The following SLC25A20 variants were observed in gnomAD, a reference collection of about 807,000 sequenced individuals.
SLC25A20 encodes the protein mitochondrial carnitine/acylcarnitine carrier protein.
SLC25A20 carries 29 observed loss-of-function variants against 39.7 expected under a neutral mutation model. That is an observed-to-expected ratio of 0.73 (90% confidence interval 0.54 to 1.00). The LOEUF is 1.00. Ranked by LOEUF, SLC25A20 falls within the 50% of genes least tolerant of loss-of-function variation. The pLI, the probability that SLC25A20 is intolerant of heterozygous loss-of-function variation, is 0.00. For missense variants in SLC25A20, 333 were observed against 379.9 expected, an observed-to-expected ratio of 0.88 and a Z score of 1.03; for synonymous variants, 103 against 142.2, an observed-to-expected ratio of 0.72 and a Z score of 1.96.
chr3:48,879,942 A>G (rs957695232), intron 3 of SLC25A20, among the ~76,000 whole-genome samples: 1 of 152,078 alleles, frequency 6.6e-6, no homozygotes, highest in Non-Finnish European at 1.5e-5. Flanking sequence ...GCCTGAGAAC[A>G]CTCTAAGCCA....
At chr3:48,873,463 G>T (rs1053820229) in intron 4 of SLC25A20, among the ~76,000 whole-genome samples, 3 of 151,344 alleles carry the variant, frequency 2.0e-5, no homozygotes, top group African/African-American at 7.3e-5. Flanking sequence ...ACAAAAATGA[G>T]CTGGGCGTGG....
chr3:48,898,596 C>G (rs2083926855), intron 1 of SLC25A20, 94 bp downstream of exon 1: 2 of 1,153,346 alleles, frequency 1.7e-6, no homozygotes, highest in South Asian at 2.6e-5. Context: ...ACACATGCCC[C>G]TCTTCTGCCC....
intron 2 of SLC25A20, among the ~76,000 whole-genome samples, chr3:48,888,426 C>G (rs970338019): frequency 1.4e-5 from 2 of 143,006 alleles, no homozygotes; most frequent in African/African-American, 2.6e-5. Flanking sequence ...AAAAATTAGC[C>G]GGGCATGGTG....
intron 4 of SLC25A20, among the ~76,000 whole-genome samples, chr3:48,866,396 G>C (rs759672082): frequency 3.3e-5 from 5 of 150,318 alleles, no homozygotes; most frequent in Non-Finnish European, 7.4e-5. Flanking sequence ...TCTACTAAAA[G>C]TACAAAAATT....
At chr3:48,865,950 G>A (rs2083664711) in intron 4 of SLC25A20, among the ~76,000 whole-genome samples, 2 of 150,250 alleles carry the variant, frequency 1.3e-5, no homozygotes, top group South Asian at 4.2e-4. Context: ...CCAACATGGT[G>A]AAACCCCGTC....
At position 48,862,650 on chromosome 3, in the gene SLC25A20, A is replaced by C. The variant is rs372779885; in HGVS notation, c.427T>G (p.Ser143Ala). The C allele has an allele frequency of 1.2e-6, 2 of 1,611,360 alleles. No homozygotes were observed. Among genetic ancestry groups the C allele is most frequent in the African/African-American group, 2.7e-5 (2 of 74,880 alleles). ...CCAGTGTACTTGCTTTCTCCTGAAG[A>C]AGCCTGAATCTGGGAGGGAGGAGAG... Reference protein sequence around the residue: ...RIKCLLQIQASSGESKYTGTL... With the variant: ...RIKCLLQIQAASGESKYTGTL... The change falls in exon 5 of 9, where the codon TCT becomes GCT. Residue 143 changes from serine (S) to alanine (A), a missense_variant. Ser to Ala is a moderately conservative substitution (Grantham distance 99). Coordinates refer to ENST00000319017, the MANE Select transcript of SLC25A20 (RefSeq NM_000387.6).
At chr3:48,875,608 C>T (rs1299654858) in intron 4 of SLC25A20, among the ~76,000 whole-genome samples, 4 of 152,100 alleles carry the variant, frequency 2.6e-5, no homozygotes, top group African/African-American at 7.2e-5. Context: ...CGGGGTTTCT[C>T]CATATAGGCC....
chr3:48,898,639 C>T (rs763077269), intron 1 of SLC25A20, 51 bp downstream of exon 1: 1 of 1,516,694 alleles, frequency 6.6e-7, no homozygotes, highest in Non-Finnish European at 9.0e-7. Context: ...CCATGCTTTC[C>T]GCGCCCCGCC....
At chr3:48,887,081 T>C (rs1250908524) in intron 2 of SLC25A20, among the ~76,000 whole-genome samples, 1 of 152,120 alleles carries the variant, frequency 6.6e-6, no homozygotes, top group South Asian at 2.1e-4. Flanking sequence ...ACAGAGGCAG[T>C]AAATGGGAAA....
intron 3 of SLC25A20, among the ~76,000 whole-genome samples, chr3:48,882,413 G>A (rs2083801401): frequency 6.6e-6 from 1 of 152,182 alleles, no homozygotes; most frequent in African/African-American, 2.4e-5. Flanking sequence ...TCTCAATCAG[G>A]TGATAGAAAG....
Position 48,862,553 on chromosome 3 carries a change from G to C in SLC25A20, c.524C>G (p.Thr175Ser). 1 of 1,612,004 alleles carries C rather than the reference G, an allele frequency of 6.2e-7. No homozygotes were observed. Among genetic ancestry groups the C allele is most frequent in the Non-Finnish European group, 8.5e-7 (1 of 1,178,086 alleles). The change falls in exon 5 of 9, where the codon ACC becomes AGC. Residue 175 changes from threonine (T) to serine (S), a missense_variant. By Grantham distance (58) the Thr-to-Ser change is moderately conservative. Coordinates refer to ENST00000319017, the MANE Select transcript of SLC25A20 (RefSeq NM_000387.6). ...GCCTGAAAGGTTACCTCGCATAAGG[G>C]TAAGCACAGTCCCTTTGTAGATGCC... is the stretch of plus-strand genomic sequence containing the variant. ...IRGIYKGTVL[T>S]LMRDVPASGM... is the part of the protein sequence containing the mutation.
intron 3 of SLC25A20, 50 bp from the exon 4 acceptor site, chr3:48,879,498 G>A (rs199566225): frequency 3.2e-6 from 4 of 1,233,908 alleles, no homozygotes; most frequent in Non-Finnish European, 4.8e-6. Context: ...TAACCACCGA[G>A]GACAGAGGCC....
At chr3:48,857,839 T>C in intron 8 of SLC25A20, 67 bp from the exon 9 acceptor site, 1 of 1,433,082 alleles carries the variant, frequency 7.0e-7, no homozygotes, top group African/African-American at 1.4e-5. Context: ...TTCAAAGCAC[T>C]ATGCTTTGCT....
intron 4 of SLC25A20, among the ~76,000 whole-genome samples, chr3:48,876,036 TA>T (rs1374355087): frequency 6.6e-6 from 1 of 151,074 alleles, no homozygotes; most frequent in African/African-American, 2.4e-5. Context: ...AAGAAATAAA[TA>T]AAAAAAATTT....
intron 4 of SLC25A20, among the ~76,000 whole-genome samples, chr3:48,871,843 G>A (rs1052406210): frequency 5.3e-5 from 8 of 151,282 alleles, no homozygotes; most frequent in African/African-American, 7.3e-5. Flanking sequence ...TTTTTGAGAC[G>A]GGGTCTCACT....
intron 4 of SLC25A20, among the ~76,000 whole-genome samples, chr3:48,868,372 A>T (rs971407302): frequency 4.6e-5 from 7 of 152,278 alleles, no homozygotes; most frequent in African/African-American, 1.7e-4. Flanking sequence ...AAGCCACTGA[A>T]CACAAACATT....
intron 5 of SLC25A20, among the ~76,000 whole-genome samples, chr3:48,861,530 C>T (rs1047054029): frequency 1.3e-5 from 2 of 152,120 alleles, no homozygotes; most frequent in African/African-American, 2.4e-5. Context: ...AGTTCGAGAC[C>T]AGCCTGGCCA....
At chr3:48,867,372 A>G (rs928905504) in intron 4 of SLC25A20, among the ~76,000 whole-genome samples, 4 of 146,906 alleles carry the variant, frequency 2.7e-5, no homozygotes, top group Admixed American at 2.1e-4. Context: ...CAGCCTCCCA[A>G]GTAGCTGGGA....
At chr3:48,893,356 C>A (rs1036248532) in intron 1 of SLC25A20, among the ~76,000 whole-genome samples, 3 of 152,092 alleles carry the variant, frequency 2.0e-5, no homozygotes, top group Non-Finnish European at 2.9e-5. Flanking sequence ...TGCTTATTAG[C>A]CCATCTTCAG....
Sources: gnomAD v4.1 joint callset for allele counts (sites outside exome capture counted in the v4.1 genomes callset) on GRCh38, gnomAD v4.1.1 for gene constraint, MANE v1.5 for transcripts, NCBI Gene and HGNC (gene_info 2026-07-23, HGNC 2026-07-21) for gene names.